ADAMTSL1: variants seen among roughly 807,000 people sequenced by gnomAD.
ADAMTSL1 encodes ADAMTS-like protein 1.
ADAMTSL1 carries 126 observed loss-of-function variants against 201.8 expected under a neutral mutation model. The ratio of observed to expected loss-of-function variants is 0.62; its 90% CI spans 0.54 to 0.72. The LOEUF (loss-of-function observed/expected upper bound fraction) is 0.72, where lower values mean the gene tolerates loss of function less well. Among genes scored for constraint, ADAMTSL1 ranks in the 30% least tolerant of loss-of-function variants. The probability of loss-of-function intolerance (pLI) is 0.00; values close to 1 mark genes in which losing one functional copy is unlikely to be tolerated. For synonymous variants in ADAMTSL1, 1,121 were observed against 903.4 expected (o/e 1.24, Z -4.32); for missense variants, 2,679 against 2,277.8 (o/e 1.18, Z -3.59).
chr9:18,080,518 C>G (rs1823453183), intron 1 of ADAMTSL1, among the ~76,000 whole-genome samples: 1 of 152,166 alleles, frequency 6.6e-6, no homozygotes, highest in Non-Finnish European at 1.5e-5. Context: ...AGCCAGGAAA[C>G]CAGATTATTA....
At chr9:18,474,519 C>T (rs1821355644) in intron 1 of ADAMTSL1, among the ~76,000 whole-genome samples, 1 of 152,132 alleles carries the variant, frequency 6.6e-6, no homozygotes, top group African/African-American at 2.4e-5. Flanking sequence ...TTAGTTACTG[C>T]TATACAGTAA....
intron 2 of ADAMTSL1, among the ~76,000 whole-genome samples, chr9:18,289,235 T>C (rs765459283): frequency 2.0e-5 from 3 of 152,082 alleles, no homozygotes; most frequent in Non-Finnish European, 4.4e-5. Flanking sequence ...AGGCCTTGGC[T>C]CACATTATTT....
At chr9:18,890,107 T>C (rs924923724) in intron 25 of ADAMTSL1, among the ~76,000 whole-genome samples, 2 of 152,180 alleles carry the variant, frequency 1.3e-5, no homozygotes. Context: ...GCAATGTCTT[T>C]TCAATCGAAG....
rs1450528157 is a variant in ADAMTSL1, at chr9:18,777,594, C to T, written c.3365C>T (p.Pro1122Leu). Residue 1122 changes from proline (P) to leucine (L), a missense_variant, in exon 19 of 29, where the codon CCC (proline) becomes CTC (leucine). Pro to Leu is a moderately conservative substitution (Grantham distance 98, BLOSUM62 -3). Coordinates refer to ENST00000380548, the MANE Select transcript of ADAMTSL1 (RefSeq NM_001040272.6). ...GAGCACCAGGACACGCTCCTGAAGCCCTCGGAGCGCAGGACTTCCCCAGTG... is the reference window on the plus strand; with the variant it reads ...GAGCACCAGGACACGCTCCTGAAGCTCTCGGAGCGCAGGACTTCCCCAGTG... ...HLEHQDTLLK[P>L]SERRTSPVTL... The T allele has an allele frequency of 6.2e-7, 1 of 1,612,602 alleles. No individual in the cohort carries two copies.
chr9:17,996,758 C>T (rs1039656312), intron 1 of ADAMTSL1, among the ~76,000 whole-genome samples: 1 of 152,028 alleles, frequency 6.6e-6, no homozygotes, highest in Non-Finnish European at 1.5e-5. Context: ...ACATTTCACT[C>T]CCTGTACTCC....
intron 1 of ADAMTSL1, among the ~76,000 whole-genome samples, chr9:18,019,135 ACT>A (rs1164423557): frequency 1.3e-5 from 2 of 151,996 alleles, no homozygotes; most frequent in Non-Finnish European, 2.9e-5. Context: ...GTTTAGCAAC[ACT>A]CTGATCTGTG....
intron 2 of ADAMTSL1, among the ~76,000 whole-genome samples, chr9:18,529,696 A>T (rs907008636): frequency 6.6e-6 from 1 of 152,176 alleles, no homozygotes. Flanking sequence ...GTTATAGTTC[A>T]CAATTTGATA....
intron 9 of ADAMTSL1, among the ~76,000 whole-genome samples, chr9:18,665,901 T>C (rs1409380504): frequency 6.6e-6 from 1 of 152,178 alleles, no homozygotes; most frequent in Non-Finnish European, 1.5e-5. Context: ...ATGAAAACAA[T>C]GAACTCACTA....
At chr9:18,908,369 C>T (rs1830428059) in intron 28 of ADAMTSL1, 73 bp from the exon 29 acceptor site, 2 of 1,314,194 alleles carry the variant, frequency 1.5e-6, no homozygotes, top group South Asian at 2.5e-5. Context: ...GCACCTCACA[C>T]AGGCTGCGTT....
At chr9:18,800,546 G>A (rs1822729238) in intron 20 of ADAMTSL1, among the ~76,000 whole-genome samples, 1 of 152,100 alleles carries the variant, frequency 6.6e-6, no homozygotes, top group Non-Finnish European at 1.5e-5. Context: ...AAGTACAGAT[G>A]TAGAGAATGC....
At chr9:18,500,831 G>T (rs1012713732) in intron 1 of ADAMTSL1, among the ~76,000 whole-genome samples, 39 of 152,124 alleles carry the variant, frequency 2.6e-4, no homozygotes, top group African/African-American at 8.9e-4. Flanking sequence ...CTTACATAAA[G>T]AACTTAATAG....
chr9:18,134,803 G>T (rs542973958), intron 1 of ADAMTSL1, among the ~76,000 whole-genome samples: 1 of 152,162 alleles, frequency 6.6e-6, no homozygotes, highest in Admixed American at 6.5e-5. Context: ...AGAATGGCAG[G>T]GTTTGTTGTG....
chr9:18,804,650 G>C (rs1227020772), intron 20 of ADAMTSL1, among the ~76,000 whole-genome samples: 1 of 152,164 alleles, frequency 6.6e-6, no homozygotes, highest in East Asian at 1.9e-4. Context: ...ATAAGATATT[G>C]TTGGTATTTA....
Position 18,082,043 on chromosome 9 carries a change from G to A in ADAMTSL1, c.88-81819G>A, listed in dbSNP as rs182393100. Among the ~76,000 whole-genome samples, 18 of 152,236 alleles carry A rather than the reference G, an allele frequency of 1.2e-4. No homozygotes were observed. The East Asian group carries it at 1.4e-3, about 11-fold the overall frequency. Reference sequence around the variant, plus strand: ...TATTTGCTTATGATATGAATCACTCGTTTGGAATATTTTCCAGTGAAGTAC... The same window carrying A: ...TATTTGCTTATGATATGAATCACTCATTTGGAATATTTTCCAGTGAAGTAC... On this transcript the variant is annotated intron_variant, in intron 1 of 29. Coordinates refer to the ADAMTSL1 transcript ENST00000680146.
chr9:18,063,739 A>G (rs1287014350), intron 1 of ADAMTSL1, among the ~76,000 whole-genome samples: 1 of 152,124 alleles, frequency 6.6e-6, no homozygotes, highest in Non-Finnish European at 1.5e-5. Flanking sequence ...TAAACCAATA[A>G]TTGGGGAAAC....
intron 1 of ADAMTSL1, among the ~76,000 whole-genome samples, chr9:18,089,860 T>C (rs184141006): frequency 3.1e-4 from 47 of 152,292 alleles, no homozygotes; most frequent in African/African-American, 9.9e-4. Flanking sequence ...GTTAACGATA[T>C]TGAGTGGTGC....
chr9:18,873,562 T>TC (rs1244941918), intron 23 of ADAMTSL1, among the ~76,000 whole-genome samples: 4 of 152,156 alleles, frequency 2.6e-5, no homozygotes, highest in Non-Finnish European at 5.9e-5. Context: ...GGGTGTCCTT[T>TC]CCCCACTTTA....
chr9:18,734,208 G>T (rs10963739), intron 15 of ADAMTSL1, among the ~76,000 whole-genome samples: 10,512 of 152,250 alleles, frequency 0.069, 760 homozygotes, highest in African/African-American at 0.18. Context: ...AGTACTCTAT[G>T]AATGGTAATA....
At chr9:17,974,883 G>C (rs951307674) in intron 1 of ADAMTSL1, among the ~76,000 whole-genome samples, 15 of 152,006 alleles carry the variant, frequency 9.9e-5, no homozygotes, top group Admixed American at 6.6e-5. Context: ...ATACATACCA[G>C]AATGGGGATT....
Sources: allele counts gnomAD v4.1 joint callset (sites outside exome capture counted in the v4.1 genomes callset), GRCh38; gene constraint gnomAD v4.1.1; transcripts MANE v1.5; gene names NCBI Gene and HGNC (gene_info 2026-07-23, HGNC 2026-07-21).